PHGDH: variants seen among roughly 807,000 people sequenced by gnomAD.
The protein encoded by PHGDH is phosphoglycerate dehydrogenase, also known as D-3-phosphoglycerate dehydrogenase.
In PHGDH, 50 loss-of-function variants were observed where a neutral mutation model predicts 52.6. The ratio of observed to expected loss-of-function variants is 0.95; its 90% confidence interval spans 0.76 to 1.20. PHGDH has a LOEUF of 1.20. PHGDH is among the 50% of genes most tolerant of loss of function. PHGDH has a pLI of 0.00. For missense variants in PHGDH, 630 were observed against 684.6 expected (o/e 0.92, Z 0.89); for synonymous variants, 271 against 280.5 (o/e 0.97, Z 0.34).
intron 8 of PHGDH, among the ~76,000 whole-genome samples, chr1:119,738,693 T>C (rs1652053841): frequency 6.6e-6 from 1 of 152,188 alleles, no homozygotes; most frequent in Non-Finnish European, 1.5e-5. Flanking sequence ...CCTTGCAATT[T>C]ATTGCCATTA....
At position 119,721,393 on chromosome 1, in the gene PHGDH, A is replaced by G. The variant is rs1570991342; in HGVS notation, c.290+72A>G. On this transcript the variant is annotated intron_variant, in intron 2 of 11. Coordinates refer to ENST00000641023, the MANE Select transcript of PHGDH (RefSeq NM_006623.4). ...CGGAGACTGACCACACCTAGGGAGA[A>G]AAAACTCACTTGAGAGAAAGCTGAG... 3 of 1,481,444 alleles carry G rather than the reference A, an allele frequency of 2.0e-6. No homozygotes were observed. In the East Asian group the frequency reaches 6.8e-5, roughly 34 times the overall value. The allele number at this position is 1,481,444 out of a possible 1,614,324, so 91.8% of individuals were successfully genotyped here. A position where few individuals can be genotyped will look rare whatever the true frequency, so the allele number is the denominator to read the frequency against.
intron 8 of PHGDH, 61 bp from the exon 9 acceptor site, chr1:119,740,325 C>G (rs1480294179): frequency 3.7e-6 from 6 of 1,602,050 alleles, no homozygotes; most frequent in African/African-American, 1.3e-5. Flanking sequence ...GCAGCCAGAT[C>G]TTGATTCAGG....
At chr1:119,737,865 A>T (rs1652015130) in intron 8 of PHGDH, among the ~76,000 whole-genome samples, 1 of 152,102 alleles carries the variant, frequency 6.6e-6, no homozygotes, top group Non-Finnish European at 1.5e-5. Flanking sequence ...TGTCTCATTC[A>T]TTCAGTCTGT....
At chr1:119,734,075 C>T (rs587645325) in intron 5 of PHGDH, among the ~76,000 whole-genome samples, 1 of 152,260 alleles carries the variant, frequency 6.6e-6, no homozygotes, top group East Asian at 1.9e-4. Flanking sequence ...CCCCTGTTGT[C>T]CTCCTCCTTC....
chr1:119,716,742 G>T (rs1458769062), intron 1 of PHGDH, among the ~76,000 whole-genome samples: 1 of 152,234 alleles, frequency 6.6e-6, no homozygotes, highest in South Asian at 2.1e-4. Flanking sequence ...TTGAAAGGAG[G>T]TTGTGTTTCC....
In PHGDH at chr1:119,734,953, G is replaced by A. The variant is rs747526193; in HGVS notation, c.643+187G>A. ...ATAGGGGAGGGTGAGCCAGCTAGAAGTGCTTGGGGTCTAGGTAAGCTGGGC... is the reference window on the plus strand; with the variant it reads ...ATAGGGGAGGGTGAGCCAGCTAGAAATGCTTGGGGTCTAGGTAAGCTGGGC... On this transcript the variant is annotated intron_variant, in intron 6 of 11. Coordinates refer to ENST00000641023, the MANE Select transcript of PHGDH (RefSeq NM_006623.4). 223 of 684,740 alleles carry A rather than the reference G, an allele frequency of 3.3e-4. 2 individuals are homozygous for A. Among genetic ancestry groups the A allele is most frequent in the Non-Finnish European group, 5.1e-5 (20 of 391,616 alleles). 42.4% of individuals were successfully genotyped at this position (684,740 alleles called of 1,614,324 possible). A position where few individuals can be genotyped will look rare whatever the true frequency, so the allele number is the denominator to read the frequency against.
chr1:119,717,232 CAAAAAAAAAAAAAA>C (rs58549149), intron 1 of PHGDH, among the ~76,000 whole-genome samples: 4 of 37,352 alleles, frequency 1.1e-4, no homozygotes, highest in East Asian at 9.6e-4. Context: ...AACTCTGTCT[CAAAAAAAAAAAAAA>C]AAAAAAAAAA....
intron 5 of PHGDH, among the ~76,000 whole-genome samples, chr1:119,728,697 T>TC (rs1651559862): frequency 6.6e-6 from 1 of 152,180 alleles, no homozygotes; most frequent in Non-Finnish European, 1.5e-5. Context: ...CTGCAGGGCT[T>TC]CCCAGATAGG....
At chr1:119,732,686 G>A (rs1176444638) in intron 5 of PHGDH, among the ~76,000 whole-genome samples, 1 of 152,206 alleles carries the variant, frequency 6.6e-6, no homozygotes, top group African/African-American at 2.4e-5. Flanking sequence ...TACTCTCTGT[G>A]AAAGAAGGAA....
chr1:119,733,938 G>A (rs1651815573), intron 5 of PHGDH, among the ~76,000 whole-genome samples: 1 of 152,122 alleles, frequency 6.6e-6, no homozygotes. Flanking sequence ...TAGGGTTGAG[G>A]ACCCAGGTCC....
At chr1:119,743,815 A>G (rs1314419052) in intron 11 of PHGDH, 71 bp from the exon 12 acceptor site, 1 of 1,191,634 alleles carries the variant, frequency 8.4e-7, no homozygotes, top group Non-Finnish European at 1.3e-6. Flanking sequence ...TGAACTTCTG[A>G]TTCTGCTCCC....
intron 3 of PHGDH, among the ~76,000 whole-genome samples, chr1:119,725,422 G>A (rs886242455): frequency 6.6e-6 from 1 of 152,224 alleles, no homozygotes; most frequent in African/African-American, 2.4e-5. Context: ...GCCAGGTGGG[G>A]CTCTGTCTCA....
rs774318185 is a variant in PHGDH, at chr1:119,726,854, G to A, written c.360G>A (p.Gln120=). 1 of 1,614,030 alleles carries A rather than the reference G, an allele frequency of 6.2e-7. No homozygotes were observed. Among genetic ancestry groups the A allele is most frequent in the South Asian group, 1.1e-5 (1 of 91,078 alleles). ...TCGMIMCLAR[Q]IPQATASMKD... The stretch of plus-strand genomic sequence containing the variant: ...GAACCTGTGTCTATCCTTGCAGGCA[G>A]ATTCCCCAGGCGACGGCTTCGATGA... The change falls in exon 4 of 12, where the codon CAG becomes CAA. Residue 120 remains glutamine (Q), a synonymous_variant. Transcript: ENST00000641023.
intron 1 of PHGDH, among the ~76,000 whole-genome samples, chr1:119,718,276 A>G (rs587706013): frequency 2.6e-5 from 4 of 152,344 alleles, no homozygotes; most frequent in East Asian, 1.9e-4. Flanking sequence ...TATCCTAGCT[A>G]TGTGACTTCA....
intron 8 of PHGDH, chr1:119,740,050 CAA>C (rs773890948): frequency 5.0e-5 from 15 of 298,600 alleles, no homozygotes; most frequent in Non-Finnish European, 8.4e-5. Flanking sequence ...TGTTTTGTGT[CAA>C]AGACTCACCT....
rs1345981311 is a variant in PHGDH at position 119,735,405 on chromosome 1, G to A, written c.754G>A (p.Gly252Ser). The change falls in exon 7 of 12, where the codon GGC becomes AGC. Residue 252 changes from glycine to serine, a missense_variant. By Grantham distance (56) the Gly-to-Ser change is moderately conservative. Transcript: ENST00000641023. ...CGCCCTGCTCCGGGCCCTGCAGTCT[G>A]GCCAGTGTGCCGGGGCTGCACTGGA... ...EGALLRALQS[G>S]QCAGAALDVF... The A allele has an allele frequency of 6.2e-7, 1 of 1,614,068 alleles. No individual in the cohort carries two copies.
chr1:119,737,902 C>G (rs1030151640), intron 8 of PHGDH, among the ~76,000 whole-genome samples: 2 of 152,176 alleles, frequency 1.3e-5, no homozygotes, highest in Non-Finnish European at 2.9e-5. Flanking sequence ...TCACTGGGTA[C>G]CAGACATTGT....
chr1:119,716,176 G>A (rs1398600624), intron 1 of PHGDH, among the ~76,000 whole-genome samples: 2 of 152,146 alleles, frequency 1.3e-5, no homozygotes, highest in Non-Finnish European at 2.9e-5. Flanking sequence ...TGACTGATGT[G>A]GGATGTCTGG....
intron 5 of PHGDH, among the ~76,000 whole-genome samples, chr1:119,728,838 A>G (rs1465234520): frequency 6.6e-6 from 1 of 152,236 alleles, no homozygotes; most frequent in Non-Finnish European, 1.5e-5. Context: ...CAGTTTTGAC[A>G]ACCAGATCAT....
Sources: gnomAD v4.1 joint callset for allele counts (sites outside exome capture counted in the v4.1 genomes callset) on GRCh38, gnomAD v4.1.1 for gene constraint, MANE v1.5 for transcripts, NCBI Gene and HGNC (gene_info 2026-07-23, HGNC 2026-07-21) for gene names.